Variants in ROBO2 observed in about 807,000 individuals in gnomAD.
ROBO2 encodes roundabout homolog 2.
ROBO2 carries 53 observed loss-of-function variants against 160.8 expected under a neutral mutation model. The observed-to-expected ratio is 0.33, with a 90% confidence interval of 0.26 to 0.41. The LOEUF (loss-of-function observed/expected upper bound fraction) is 0.41. Among genes scored for constraint, ROBO2 ranks in the 10% least tolerant of loss-of-function variants. ROBO2 has a pLI of 1.00. For missense variants in ROBO2, 1,577 were observed against 1,722.4 expected, an observed-to-expected ratio of 0.92 and a Z score of 1.49; for synonymous variants, 664 against 611.7, an observed-to-expected ratio of 1.09 and a Z score of -1.26.
intron 2 of ROBO2, among the ~76,000 whole-genome samples, chr3:77,243,137 C>T (rs1239176926): frequency 6.6e-6 from 1 of 151,984 alleles, no homozygotes; most frequent in Non-Finnish European, 1.5e-5. Flanking sequence ...AGCAAAGCGT[C>T]ATCCATCTTT....
chr3:77,272,432 C>A (rs1028785869), intron 2 of ROBO2, among the ~76,000 whole-genome samples: 1 of 152,000 alleles, frequency 6.6e-6, no homozygotes, highest in African/African-American at 2.4e-5. Flanking sequence ...GGAGGTGTCA[C>A]ACCCTTTTAA....
intron 2 of ROBO2, among the ~76,000 whole-genome samples, chr3:76,558,045 G>A (rs1269797050): frequency 3.9e-5 from 6 of 151,922 alleles, no homozygotes; most frequent in East Asian, 3.9e-4. Context: ...CCAAAAAAGC[G>A]AAGTAGCATG....
At chr3:77,011,054 C>CTTCTTTCTTTCTTTTCTTTCT (rs2061872151) in intron 2 of ROBO2, among the ~76,000 whole-genome samples, 1 of 106,746 alleles carries the variant, frequency 9.4e-6, no homozygotes, top group Non-Finnish European at 1.9e-5. Flanking sequence ...TTCTTTCTTT[C>CTTCTTTCTTTCTTTTCTTTCT]TTCTTTCTTT....
chr3:77,472,216 C>T (rs1311425379), intron 2 of ROBO2, among the ~76,000 whole-genome samples: 4 of 152,014 alleles, frequency 2.6e-5, no homozygotes, highest in African/African-American at 4.8e-5. Context: ...GAAGGTAAAT[C>T]GCCAGGTCTA....
At position 77,291,043 on chromosome 3, in the gene ROBO2, A is replaced by G. The variant is rs548636144; in HGVS notation, c.389-186371A>G. Among the ~76,000 whole-genome samples the G allele has an allele frequency of 2.0e-5, 3 of 150,726 alleles. No individual in the cohort carries two copies. In the South Asian group the frequency reaches 6.3e-4, roughly 32 times the overall value. On this transcript the variant is annotated intron_variant, in intron 2 of 25. Transcript: ENST00000461745. ...CAGACATGAAGTAAAATTGATGGTT[A>G]AACGAGTAAGCTGAGGCTAGATCAC... is the stretch of plus-strand genomic sequence containing the variant.
chr3:76,670,521 T>G (rs2092226242), intron 2 of ROBO2, among the ~76,000 whole-genome samples: 1 of 151,780 alleles, frequency 6.6e-6, no homozygotes. Flanking sequence ...AAGCAGGGAG[T>G]TAAAGTCATC....
intron 5 of ROBO2, among the ~76,000 whole-genome samples, chr3:77,511,832 A>G (rs1019605003): frequency 2.6e-5 from 4 of 151,986 alleles, no homozygotes; most frequent in African/African-American, 9.7e-5. Context: ...CTTGCTTCTT[A>G]CTATTTCCCT....
chr3:77,357,678 A>G (rs904838267), intron 2 of ROBO2, among the ~76,000 whole-genome samples: 4 of 152,100 alleles, frequency 2.6e-5, no homozygotes, highest in African/African-American at 9.7e-5. Flanking sequence ...AAGCCTTCTG[A>G]CTCCCTTAAA....
chr3:76,693,991 C>G (rs946760466), intron 2 of ROBO2, among the ~76,000 whole-genome samples: 11 of 152,320 alleles, frequency 7.2e-5, no homozygotes, highest in Admixed American at 1.3e-4. Flanking sequence ...ACACCTAAAA[C>G]TAACCATCAC....
At chr3:77,071,782 C>T (rs1252637145) in intron 1 of ROBO2, among the ~76,000 whole-genome samples, 2 of 152,186 alleles carry the variant, frequency 1.3e-5, no homozygotes, top group African/African-American at 2.4e-5. Flanking sequence ...TGCGCATAAT[C>T]AAGTTTCCTT....
chr3:77,196,713 A>G (rs899014115), intron 2 of ROBO2, among the ~76,000 whole-genome samples: 6 of 152,068 alleles, frequency 3.9e-5, no homozygotes, highest in Non-Finnish European at 7.4e-5. Flanking sequence ...ATTTGCATTA[A>G]TAAAAAATGG....
At chr3:76,132,785 C>A (rs2071277948) in intron 2 of ROBO2, among the ~76,000 whole-genome samples, 1 of 152,088 alleles carries the variant, frequency 6.6e-6, no homozygotes, top group South Asian at 2.1e-4. Context: ...GAAAATATGA[C>A]TTTGAGCTCT....
Position 77,386,435 on chromosome 3 carries a change from A to G in ROBO2, c.389-90979A>G, listed in dbSNP as rs907457710. On this transcript the variant is annotated intron_variant, in intron 2 of 25. Transcript: ENST00000461745. ...TTAGGTATAGAATGTAATACATTTA[A>G]CTGTAATTCAGACTGTGAAAATTAA... Among the ~76,000 whole-genome samples, 3 of 152,152 alleles carry G rather than the reference A, an allele frequency of 2.0e-5. No homozygotes were observed. The South Asian group carries it at 6.2e-4, about 31-fold the overall frequency.
At chr3:77,293,308 G>T (rs1356218699) in intron 2 of ROBO2, among the ~76,000 whole-genome samples, 2 of 146,422 alleles carry the variant, frequency 1.4e-5, no homozygotes, top group African/African-American at 5.0e-5. Context: ...AAAATTGATG[G>T]TTAAACGGGA....
At chr3:76,831,455 A>G (rs887441386) in intron 2 of ROBO2, among the ~76,000 whole-genome samples, 2 of 152,128 alleles carry the variant, frequency 1.3e-5, no homozygotes, top group Non-Finnish European at 2.9e-5. Flanking sequence ...GTGAATTTGT[A>G]TAGGGTTATA....
chr3:77,395,253 A>C (rs1048498464), intron 2 of ROBO2, among the ~76,000 whole-genome samples: 3 of 152,118 alleles, frequency 2.0e-5, no homozygotes, highest in African/African-American at 7.2e-5. Context: ...TCATCCCTTT[A>C]AAAACCACAG....
At chr3:76,082,010 C>A (rs1004986642) in intron 2 of ROBO2, among the ~76,000 whole-genome samples, 2 of 152,018 alleles carry the variant, frequency 1.3e-5, no homozygotes, top group African/African-American at 4.8e-5. Flanking sequence ...GATAATTGAG[C>A]CCCCAACCGT....
chr3:76,111,993 G>A (rs2070252899), intron 2 of ROBO2, among the ~76,000 whole-genome samples: 1 of 152,018 alleles, frequency 6.6e-6, no homozygotes, highest in African/African-American at 2.4e-5. Flanking sequence ...GAGTCATTTT[G>A]GAAGAGTAGA....
chr3:77,639,213 A>T (rs2095312187), intron 24 of ROBO2, among the ~76,000 whole-genome samples: 1 of 152,142 alleles, frequency 6.6e-6, no homozygotes. Context: ...CTTTGAGCAA[A>T]TAAATTTACA....
Sources: allele counts gnomAD v4.1 joint callset (sites outside exome capture counted in the v4.1 genomes callset), GRCh38; gene constraint gnomAD v4.1.1; transcripts MANE v1.5; gene names NCBI Gene and HGNC (gene_info 2026-07-23, HGNC 2026-07-21).